Variants in LRIG1 observed in about 807,000 individuals in gnomAD.
LRIG1 encodes the protein leucine-rich repeats and immunoglobulin-like domains protein 1.
LRIG1 carries 48 observed loss-of-function variants against 99.2 expected under a neutral mutation model. The ratio of observed to expected loss-of-function variants is 0.48; its 90% CI spans 0.38 to 0.62. LRIG1 has a LOEUF of 0.62. Ranked by LOEUF, LRIG1 falls within the 20% of genes least tolerant of loss-of-function variation. LRIG1 has a pLI of 0.00. For synonymous variants in LRIG1, 772 were observed against 596.1 expected (o/e 1.29, Z -4.30); for missense variants, 1,646 against 1,434.4 (o/e 1.15, Z -2.38).
chr3:66,418,305 G>A (rs867196527), intron 3 of LRIG1, among the ~76,000 whole-genome samples: 11 of 152,164 alleles, frequency 7.2e-5, no homozygotes, highest in Non-Finnish European at 1.5e-5. Context: ...GTGTTGGCCA[G>A]GATGGTCTCG....
intron 2 of LRIG1, among the ~76,000 whole-genome samples, chr3:66,453,445 C>T (rs114086028): frequency 0.015 from 2,249 of 152,290 alleles, 24 homozygotes; most frequent in Middle Eastern, 0.024. Context: ...AGTAATTTGA[C>T]CAAGGTCACC....
intron 2 of LRIG1, among the ~76,000 whole-genome samples, chr3:66,452,461 T>C (rs768291934): frequency 6.6e-6 from 1 of 152,138 alleles, no homozygotes; most frequent in Non-Finnish European, 1.5e-5. Flanking sequence ...AAATCAGACT[T>C]GCAAAGTGAG....
chr3:66,400,296 A>C (rs1198234193), intron 9 of LRIG1, among the ~76,000 whole-genome samples: 1 of 152,214 alleles, frequency 6.6e-6, no homozygotes, highest in African/African-American at 2.4e-5. Flanking sequence ...AATGAAGAGA[A>C]TCGAGTTTTC....
At chr3:66,491,446 T>C (rs1165198051) in intron 1 of LRIG1, among the ~76,000 whole-genome samples, 3 of 152,144 alleles carry the variant, frequency 2.0e-5, no homozygotes, top group Non-Finnish European at 2.9e-5. Flanking sequence ...ACAAAAGAGC[T>C]TGCTAAACAC....
At chr3:66,496,879 G>A (rs1421180738) in intron 1 of LRIG1, among the ~76,000 whole-genome samples, 1 of 152,224 alleles carries the variant, frequency 6.6e-6, no homozygotes, top group East Asian at 1.9e-4. Flanking sequence ...TTCCAGCACA[G>A]CTGTAAAATT....
At chr3:66,485,926 G>A (rs1376266623) in intron 1 of LRIG1, among the ~76,000 whole-genome samples, 7 of 152,204 alleles carry the variant, frequency 4.6e-5, no homozygotes, top group Non-Finnish European at 7.3e-5. Context: ...TCGGCCTCCA[G>A]GAATTCAGAG....
chr3:66,382,474 C>T, intron 15 of LRIG1, 76 bp from the exon 16 acceptor site: 2 of 1,554,770 alleles, frequency 1.3e-6, no homozygotes, highest in Non-Finnish European at 1.8e-6. Flanking sequence ...CTGTCAAGCT[C>T]AGAAAGGGGA....
intron 1 of LRIG1, among the ~76,000 whole-genome samples, chr3:66,491,102 CT>C (rs141863440): frequency 0.022 from 3,314 of 152,288 alleles, 79 homozygotes; most frequent in African/African-American, 0.064. Context: ...GAACCTAGTT[CT>C]TTGCTTTTTG....
At chr3:66,430,162 A>C (rs1206441316) in intron 3 of LRIG1, among the ~76,000 whole-genome samples, 1 of 140,900 alleles carries the variant, frequency 7.1e-6, no homozygotes. Flanking sequence ...TACTCAGGAA[A>C]AACAAAACAA....
intron 3 of LRIG1, among the ~76,000 whole-genome samples, chr3:66,441,207 G>A (rs769900122): frequency 6.6e-6 from 1 of 152,092 alleles, no homozygotes; most frequent in Non-Finnish European, 1.5e-5. Flanking sequence ...TCACCTCCTG[G>A]TTGATGAAGT....
In LRIG1 at chr3:66,379,481, C is replaced by T. The variant is rs1330843195; in HGVS notation, c.*782G>A. ...CAATCGAATGATACTGAGAAGGCCA[C>T]ATTTGCTTTTATCATAAAATAAGAG... On this transcript the variant is annotated 3_prime_UTR_variant, in exon 19 of 19. Coordinates refer to ENST00000273261, the MANE Select transcript of LRIG1 (RefSeq NM_015541.3). 1 of 152,198 alleles carries T rather than the reference C, an allele frequency of 6.6e-6. No homozygotes were observed. Among genetic ancestry groups the T allele is most frequent in the Non-Finnish European group, 1.5e-5 (1 of 68,050 alleles). The allele number at this position is 152,198 out of a possible 1,614,324, so 9.4% of individuals were successfully genotyped here.
intron 1 of LRIG1, among the ~76,000 whole-genome samples, chr3:66,479,602 AC>A (rs1700801813): frequency 1.3e-5 from 2 of 152,264 alleles, no homozygotes; most frequent in African/African-American, 4.8e-5. Context: ...CAATAAAAAG[AC>A]AAAGGACTCA....
At chr3:66,427,272 G>A (rs1039069836) in intron 3 of LRIG1, among the ~76,000 whole-genome samples, 11 of 152,318 alleles carry the variant, frequency 7.2e-5, no homozygotes, top group Non-Finnish European at 1.5e-4. Context: ...GAATGAAGGC[G>A]TGCACACATT....
At chr3:66,470,383 G>A (rs1367121072) in intron 1 of LRIG1, among the ~76,000 whole-genome samples, 2 of 152,192 alleles carry the variant, frequency 1.3e-5, no homozygotes, top group Non-Finnish European at 2.9e-5. Context: ...AAGCCTAGAA[G>A]AAGAGCATGT....
chr3:66,446,392 C>T (rs999917124), intron 3 of LRIG1, among the ~76,000 whole-genome samples: 7 of 151,066 alleles, frequency 4.6e-5, no homozygotes, highest in Non-Finnish European at 5.9e-5. Context: ...TATCCTCTCC[C>T]GCCCACCCGC....
chr3:66,391,320 C>T (rs1024119246), intron 12 of LRIG1, among the ~76,000 whole-genome samples: 2 of 152,044 alleles, frequency 1.3e-5, no homozygotes, highest in African/African-American at 4.8e-5. Context: ...AGGTTTGTAC[C>T]CAAGAGAATC....
At chr3:66,493,961 G>GAA (rs1279137557) in intron 1 of LRIG1, among the ~76,000 whole-genome samples, 1 of 132,416 alleles carries the variant, frequency 7.6e-6, no homozygotes, top group Non-Finnish European at 1.6e-5. Context: ...AAGAAAGAAA[G>GAA]AAAAAGAAAA....
At chr3:66,438,266 T>C (rs1387985843) in intron 3 of LRIG1, among the ~76,000 whole-genome samples, 2 of 152,066 alleles carry the variant, frequency 1.3e-5, no homozygotes, top group African/African-American at 2.4e-5. Context: ...GCCGGCCTTC[T>C]CCACAGAATT....
intron 3 of LRIG1, among the ~76,000 whole-genome samples, chr3:66,419,215 G>T (rs1702722741): frequency 6.6e-6 from 1 of 152,192 alleles, no homozygotes; most frequent in Non-Finnish European, 1.5e-5. Context: ...TGGGACAGCT[G>T]CAGGCCCAAC....
Sources: gnomAD v4.1 joint callset for allele counts (sites outside exome capture counted in the v4.1 genomes callset) on GRCh38, gnomAD v4.1.1 for gene constraint, MANE v1.5 for transcripts, NCBI Gene and HGNC (gene_info 2026-07-23, HGNC 2026-07-21) for gene names.